The following COL23A1 variants were observed in gnomAD, a reference collection of about 807,000 sequenced individuals.
The protein encoded by COL23A1 is collagen alpha-1(XXIII) chain.
Under a neutral mutation model 99.3 loss-of-function variants are expected in COL23A1, and 97 were observed. That is an observed-to-expected ratio of 0.98 (90% confidence interval 0.83 to 1.16). COL23A1 has a LOEUF of 1.16. COL23A1 is among the 50% of genes most tolerant of loss of function. The pLI is 0.00. For synonymous variants in COL23A1, 320 were observed against 308.2 expected (o/e 1.04, Z -0.40); for missense variants, 762 against 757.4 (o/e 1.01, Z -0.07).
chr5:178,332,707 AC>A (rs1312632287), intron 2 of COL23A1, among the ~76,000 whole-genome samples: 3 of 151,952 alleles, frequency 2.0e-5, no homozygotes, highest in Admixed American at 6.6e-5. Flanking sequence ...GTTCCAAGTC[AC>A]CTTTATTAGA....
At chr5:178,450,488 C>G (rs1767426019) in intron 2 of COL23A1, among the ~76,000 whole-genome samples, 1 of 152,166 alleles carries the variant, frequency 6.6e-6, no homozygotes, top group South Asian at 2.1e-4. Flanking sequence ...ACATCGCACG[C>G]TGAGAACGAG....
chr5:178,276,159 T>C (rs1375512555), intron 5 of COL23A1, among the ~76,000 whole-genome samples: 1 of 152,228 alleles, frequency 6.6e-6, no homozygotes, highest in East Asian at 1.9e-4. Context: ...GGGAAAAGCC[T>C]GTGCTGCTCT....
chr5:178,433,586 C>G (rs1391889842), intron 2 of COL23A1, among the ~76,000 whole-genome samples: 1 of 152,144 alleles, frequency 6.6e-6, no homozygotes, highest in Non-Finnish European at 1.5e-5. Context: ...GCTGAAAGTT[C>G]CAGTCCTCTG....
intron 2 of COL23A1, among the ~76,000 whole-genome samples, chr5:178,388,970 G>A (rs1180674607): frequency 6.6e-6 from 1 of 152,168 alleles, no homozygotes; most frequent in African/African-American, 2.4e-5. Flanking sequence ...CTTTCCGCAG[G>A]GACATCTCAT....
At chr5:178,297,491 C>G (rs1203994417) in intron 3 of COL23A1, among the ~76,000 whole-genome samples, 1 of 152,204 alleles carries the variant, frequency 6.6e-6, no homozygotes, top group African/African-American at 2.4e-5. Flanking sequence ...GCACTCCAGC[C>G]TGGGCAACAG....
intron 9 of COL23A1, 82 bp from the exon 10 acceptor site, chr5:178,262,334 C>G: frequency 7.3e-7 from 1 of 1,371,382 alleles, no homozygotes. Flanking sequence ...AGACCCCGGG[C>G]TGGGGCTCTA....
chr5:178,482,789 C>T (rs1197583841), intron 2 of COL23A1, among the ~76,000 whole-genome samples: 1 of 152,156 alleles, frequency 6.6e-6, no homozygotes, highest in African/African-American at 2.4e-5. Context: ...GTAGTCCCAG[C>T]TATTCAGGAG....
intron 2 of COL23A1, among the ~76,000 whole-genome samples, chr5:178,374,848 G>A (rs1762987174): frequency 6.6e-6 from 1 of 152,108 alleles, no homozygotes; most frequent in Admixed American, 6.5e-5. Context: ...GTTACCCTGA[G>A]ACTCAGAAAT....
intron 2 of COL23A1, among the ~76,000 whole-genome samples, chr5:178,431,541 A>T (rs1310838983): frequency 6.6e-6 from 1 of 152,230 alleles, no homozygotes; most frequent in Non-Finnish European, 1.5e-5. Context: ...CACAAATGTC[A>T]AAGTGGAAGA....
chr5:178,335,606 A>C (rs1353965073), intron 2 of COL23A1, among the ~76,000 whole-genome samples: 2 of 152,246 alleles, frequency 1.3e-5, no homozygotes, highest in Admixed American at 1.3e-4. Context: ...AGAATATGCC[A>C]GTCCTTCCAG....
chr5:178,282,788 CT>C (rs900054165), intron 5 of COL23A1, among the ~76,000 whole-genome samples: 2 of 152,218 alleles, frequency 1.3e-5, no homozygotes, highest in Non-Finnish European at 2.9e-5. Flanking sequence ...GTCTTTTCTT[CT>C]CTGTTCCCAA....
At position 178,590,015 on chromosome 5, in the gene COL23A1, C is replaced by T. The variant is rs993464130; in HGVS notation, c.183G>A (p.Leu61=). The T allele has an allele frequency of 2.2e-6, 3 of 1,352,718 alleles. No individual in the cohort carries two copies. The highest frequency in any genetic ancestry group is 2.9e-6 in the Non-Finnish European group (3 of 1,051,624). 83.8% of individuals were successfully genotyped at this position (1,352,718 alleles called of 1,614,324 possible). A position where few individuals can be genotyped will look rare whatever the true frequency, so the allele number is the denominator to read the frequency against. ...CLLLGVQAAA[L]QGRVAALEEE... ...CCTCGAGCGCCGCCACCCGGCCCTG[C>T]AGCGCGGCCGCCTGGACACCCAGCA... Residue 61 remains leucine, a synonymous_variant, in exon 1 of 29, where the codon CTG becomes CTA. Coordinates refer to ENST00000390654, the MANE Select transcript of COL23A1 (RefSeq NM_173465.4). The surrounding 1 kb of genome is among the most constrained non-coding windows in gnomAD (Gnocchi z 5.7).
At chr5:178,249,232 A>C in intron 18 of COL23A1, 26 bp from the exon 19 acceptor site, 1 of 1,607,810 alleles carries the variant, frequency 6.2e-7, no homozygotes, top group South Asian at 1.1e-5. Flanking sequence ...ACAAGGGATG[A>C]GTGGGGCTCA....
At chr5:178,497,338 C>A (rs947917132) in intron 2 of COL23A1, among the ~76,000 whole-genome samples, 2 of 152,194 alleles carry the variant, frequency 1.3e-5, no homozygotes, top group African/African-American at 4.8e-5. Context: ...GCATCAAGAT[C>A]CTCAGAAATG....
At chr5:178,267,258 C>T (rs1219980813) in intron 8 of COL23A1, 49 bp downstream of exon 8, 1 of 1,607,714 alleles carries the variant, frequency 6.2e-7, no homozygotes, top group Admixed American at 1.7e-5. Flanking sequence ...CTCATTATTA[C>T]ACAAAACAAA....
intron 2 of COL23A1, among the ~76,000 whole-genome samples, chr5:178,401,177 A>C (rs1764427153): frequency 6.6e-6 from 1 of 152,228 alleles, no homozygotes; most frequent in Non-Finnish European, 1.5e-5. Context: ...AACATGTGTC[A>C]GCATTCCCTT....
rs879838523 is a variant in COL23A1, at chr5:178,358,240, A to ATGTG, written c.362-51325_362-51322dup. Among the ~76,000 whole-genome samples the ATGTG allele has an allele frequency of 6.4e-3, 318 of 49,504 alleles. 3 individuals are homozygous for ATGTG. Among genetic ancestry groups the ATGTG allele is most frequent in the African/African-American group, 0.024 (199 of 8,314 alleles). 32.5% of individuals were successfully genotyped at this position (49,504 alleles called of 152,430 possible). Reference sequence around the variant, plus strand: ...GTGTGTCTAATGTGTGTATGTGTGTATGTGTATGTGTGTGTATGTATATGT... The same window carrying ATGTG: ...GTGTGTCTAATGTGTGTATGTGTGTATGTGTGTGTATGTGTGTGTATGTATATGT... On this transcript the variant is annotated intron_variant, in intron 2 of 28. Transcript: ENST00000390654.
chr5:178,467,446 A>G (rs1164489466), intron 2 of COL23A1, among the ~76,000 whole-genome samples: 1 of 152,202 alleles, frequency 6.6e-6, no homozygotes, highest in Non-Finnish European at 1.5e-5. Context: ...TGCCTTAGGA[A>G]GTGTGTTCTT....
chr5:178,361,894 C>T (rs1315717733), intron 2 of COL23A1, among the ~76,000 whole-genome samples: 2 of 152,178 alleles, frequency 1.3e-5, no homozygotes, highest in African/African-American at 2.4e-5. Flanking sequence ...TTCCCGCCTC[C>T]CCTCCAGGGA....
Sources: gnomAD v4.1 joint callset for allele counts (sites outside exome capture counted in the v4.1 genomes callset) on GRCh38, gnomAD v4.1.1 for gene constraint, Gnocchi (gnomAD v3.1) non-coding constraint, MANE v1.5 for transcripts, NCBI Gene and HGNC (gene_info 2026-07-23, HGNC 2026-07-21) for gene names.